The following IL1RAPL1 variants were observed in gnomAD, a reference collection of about 807,000 sequenced individuals.
IL1RAPL1 encodes the protein interleukin-1 receptor accessory protein-like 1.
In IL1RAPL1, 3 loss-of-function variants were observed where a neutral mutation model predicts 48.4. The observed-to-expected ratio is 0.06, with a 90% CI of 0.03 to 0.16. IL1RAPL1 has a LOEUF of 0.16. Ranked by LOEUF, IL1RAPL1 falls within the 10% of genes least tolerant of loss-of-function variation. The pLI, the probability that IL1RAPL1 is intolerant of heterozygous loss-of-function variation, is 1.00. For missense variants in IL1RAPL1, 349 were observed against 530.6 expected (o/e 0.66, Z 3.36); for synonymous variants, 185 against 187.7 (o/e 0.99, Z 0.12).
intron 5 of IL1RAPL1, among the ~76,000 whole-genome samples, chrX:29,629,371 T>C (rs1053008516): frequency 9.0e-6 from 1 of 111,140 alleles, no homozygotes; most frequent in African/African-American, 3.3e-5. Flanking sequence ...TTTTTTTAAT[T>C]AACAAAACTT....
rs1460111081 is a variant in IL1RAPL1, at chrX:29,803,441, A to ATGTATATATGTG, written c.779-114011_779-114000dup. On this transcript the variant is annotated intron_variant, in intron 6 of 10. Coordinates refer to ENST00000378993, the MANE Select transcript of IL1RAPL1 (RefSeq NM_014271.4). Reference sequence around the variant, plus strand: ...TATATGTGTATATATGTATACATCTATGTATATATGTGTGTATATATGTAT... The same window carrying ATGTATATATGTG: ...TATATGTGTATATATGTATACATCTATGTATATATGTGTGTATATATGTGTGTATATATGTAT... 6.3e-5 allele frequency among the ~76,000 whole-genome samples: 6 copies of ATGTATATATGTG among 95,990 alleles called. No homozygotes were observed. In the South Asian group the frequency reaches 1.4e-3, roughly 23 times the overall value. The allele number at this position is 95,990 out of a possible 115,157, so 83.4% of individuals were successfully genotyped here.
At chrX:29,349,434 T>C (rs1933193322) in intron 3 of IL1RAPL1, among the ~76,000 whole-genome samples, 1 of 111,528 alleles carries the variant, frequency 9.0e-6, no homozygotes. Flanking sequence ...TTCTATGACC[T>C]GCCTTGGGGA....
chrX:29,551,449 T>G (rs1921815097), intron 5 of IL1RAPL1, among the ~76,000 whole-genome samples: 1 of 112,286 alleles, frequency 8.9e-6, no homozygotes, highest in African/African-American at 3.2e-5. Context: ...GGAAGCTCAA[T>G]AAATATAATT....
Position 28,587,688 on chromosome X carries a change from CCT to C in IL1RAPL1, c.-379_-378del, listed in dbSNP as rs1414866186. 1 of 109,988 alleles carries C rather than the reference CCT, an allele frequency of 9.1e-6. No homozygotes were observed. Among genetic ancestry groups the C allele is most frequent in the Non-Finnish European group, 1.9e-5 (1 of 52,792 alleles). The allele number at this position is 109,988 out of a possible 1,213,427, so 9.1% of individuals were successfully genotyped here. Reference sequence around the variant, plus strand: ...TTTTTAAGAATTATTCTTATTTTCCCCTCTCTTTTTCTGCTCTCTCCTCTCTC... The same window carrying C: ...TTTTTAAGAATTATTCTTATTTTCCCCTCTTTTTCTGCTCTCTCCTCTCTC... On this transcript the variant is annotated 5_prime_UTR_variant, in exon 1 of 11. Transcript: ENST00000378993.
intron 5 of IL1RAPL1, among the ~76,000 whole-genome samples, chrX:29,452,563 C>T (rs1934691700): frequency 9.0e-6 from 1 of 111,547 alleles, no homozygotes; most frequent in African/African-American, 3.3e-5. Context: ...GTGGATGGTA[C>T]AGCTTTGTTA....
At chrX:29,702,582 A>G (rs1031648824) in intron 6 of IL1RAPL1, among the ~76,000 whole-genome samples, 1 of 111,906 alleles carries the variant, frequency 8.9e-6, no homozygotes, top group Non-Finnish European at 1.9e-5. Context: ...TGTATCAAGG[A>G]CAAAGGGAGA....
rs1211935454 is a variant in IL1RAPL1, at chrX:29,283,124, C to T, written c.269C>T (p.Ala90Val). 1 of 1,211,164 alleles carries T rather than the reference C, an allele frequency of 8.3e-7. No individual in the cohort carries two copies. Among genetic ancestry groups the T allele is most frequent in the Non-Finnish European group, 1.1e-6 (1 of 895,022 alleles). Residue 90 changes from alanine to valine, a missense_variant, in exon 3 of 11, where the codon GCC becomes GTC. Ala to Val is a moderately conservative substitution (Grantham distance 64). This residue lies in a region of IL1RAPL1 where 238 missense variants were observed against 337.8 expected (regional missense o/e 0.70). Transcript: ENST00000378993. Reference sequence around the variant, plus strand: ...CCTGGAGACTTTGAAGAGCCAATAGCCTTTGACGGAAGTAGAATGAGCAAA... The same window carrying T: ...CCTGGAGACTTTGAAGAGCCAATAGTCTTTGACGGAAGTAGAATGAGCAAA... Reference protein sequence around the residue: ...SGPGDFEEPIAFDGSRMSKEE... With the variant: ...SGPGDFEEPIVFDGSRMSKEE...
rs1350258890 is a variant in IL1RAPL1, at chrX:28,830,992, T to TTTTC, written c.82+41568_82+41569insTTCT. Among the ~76,000 whole-genome samples the TTTTC allele has an allele frequency of 1.9e-4, 3 of 16,069 alleles. No homozygotes were observed. The Admixed American group carries it at 2.5e-3, about 13-fold the overall frequency. The allele number at this position is 16,069 out of a possible 115,157, so 14.0% of individuals were successfully genotyped here. ...AATTCTCCCAACCTTTGCCCAGGGTTTCTCTCTCTCTCTCTCTCTCTCTCT... is the reference window on the plus strand; with the variant it reads ...AATTCTCCCAACCTTTGCCCAGGGTTTTTCTCTCTCTCTCTCTCTCTCTCTCTCT... On this transcript the variant is annotated intron_variant, in intron 2 of 10. Coordinates refer to ENST00000378993, the MANE Select transcript of IL1RAPL1 (RefSeq NM_014271.4).
chrX:28,957,236 A>G (rs1436031213), intron 2 of IL1RAPL1, among the ~76,000 whole-genome samples: 1 of 111,393 alleles, frequency 9.0e-6, no homozygotes, highest in Non-Finnish European at 1.9e-5. Flanking sequence ...ATACATATGT[A>G]ACTAACCTGC....
intron 5 of IL1RAPL1, among the ~76,000 whole-genome samples, chrX:29,402,140 T>G (rs958497998): frequency 2.7e-5 from 3 of 111,726 alleles, no homozygotes; most frequent in Admixed American, 9.6e-5. Context: ...CTCAATTTTT[T>G]TCTTTTAAAT....
chrX:29,690,605 A>C lies in IL1RAPL1; in HGVS notation c.778+22101A>C, dbSNP rs1285448068. On this transcript the variant is annotated intron_variant, in intron 6 of 10. Coordinates refer to ENST00000378993, the MANE Select transcript of IL1RAPL1 (RefSeq NM_014271.4). ...TTCAAGTTTAATGGAATTTAAAAAA[A>C]AATTTACTATATTTACTGTTGTATC... Among the ~76,000 whole-genome samples, 4 of 112,168 alleles carry C rather than the reference A, an allele frequency of 3.6e-5. No individual in the cohort carries two copies. In the East Asian group the frequency reaches 1.1e-3, roughly 31 times the overall value.
At chrX:29,770,279 G>T (rs1199454651) in intron 6 of IL1RAPL1, among the ~76,000 whole-genome samples, 1 of 111,248 alleles carries the variant, frequency 9.0e-6, no homozygotes, top group Non-Finnish European at 1.9e-5. Context: ...ACTCAAGTTC[G>T]GTGCATGTCT....
chrX:29,316,795 C>CCTGTAGGG (rs747899838), intron 3 of IL1RAPL1, among the ~76,000 whole-genome samples: 1,469 of 111,705 alleles, frequency 0.013, 8 homozygotes, highest in Middle Eastern at 0.051. Flanking sequence ...GTCAGAGTGA[C>CCTGTAGGG]CTGTAGGGGT....
chrX:28,746,197 G>C (rs1487167224), intron 1 of IL1RAPL1, among the ~76,000 whole-genome samples: 1 of 111,062 alleles, frequency 9.0e-6, no homozygotes, highest in Non-Finnish European at 1.9e-5. Flanking sequence ...GTCCTTTGTA[G>C]GGACATGGAT....
intron 3 of IL1RAPL1, among the ~76,000 whole-genome samples, chrX:29,360,127 C>T (rs977403953): frequency 6.3e-5 from 7 of 111,867 alleles, no homozygotes; most frequent in Admixed American, 1.9e-4. Flanking sequence ...AATATTTATA[C>T]GCTGATTATG....
intron 2 of IL1RAPL1, among the ~76,000 whole-genome samples, chrX:29,028,292 GT>G (rs775964789): frequency 2.6e-3 from 210 of 80,150 alleles, no homozygotes; most frequent in East Asian, 0.023. Context: ...TTTTTTGTTT[GT>G]TTTTTTTTTT....
chrX:29,264,414 G>C (rs993644801), intron 2 of IL1RAPL1, among the ~76,000 whole-genome samples: 4 of 110,527 alleles, frequency 3.6e-5, no homozygotes, highest in Non-Finnish European at 7.6e-5. Flanking sequence ...AAGTTGCTAA[G>C]TTCCATCTGT....
intron 2 of IL1RAPL1, among the ~76,000 whole-genome samples, chrX:29,185,215 C>T (rs1044719519): frequency 6.2e-5 from 7 of 112,506 alleles, no homozygotes; most frequent in Admixed American, 9.4e-5. Flanking sequence ...ATTTATCATT[C>T]ATGTAATTAC....
chrX:29,649,471 A>G (rs1925444061), intron 5 of IL1RAPL1, among the ~76,000 whole-genome samples: 1 of 112,258 alleles, frequency 8.9e-6, no homozygotes, highest in Admixed American at 9.5e-5. Flanking sequence ...GATACATCAC[A>G]TTAACAGAAG....
Sources: allele counts gnomAD v4.1 joint callset (sites outside exome capture counted in the v4.1 genomes callset), GRCh38; gene constraint gnomAD v4.1.1; regional missense constraint gnomAD v4.1.1; transcripts MANE v1.5; gene names NCBI Gene and HGNC (gene_info 2026-07-23, HGNC 2026-07-21).